Variants in FTO observed in about 807,000 individuals in gnomAD.
The protein encoded by FTO is FTO alpha-ketoglutarate dependent dioxygenase.
Under a neutral mutation model 63.9 loss-of-function variants are expected in FTO, and 47 were observed. That is an observed-to-expected ratio of 0.74 (90% confidence interval 0.58 to 0.94). The LOEUF (loss-of-function observed/expected upper bound fraction) is 0.94. Ranked by LOEUF, FTO falls within the 40% of genes least tolerant of loss-of-function variation. The probability of loss-of-function intolerance (pLI) is 0.00; values close to 1 mark genes in which losing one functional copy is unlikely to be tolerated. For synonymous variants in FTO, 207 were observed against 224.4 expected, an observed-to-expected ratio of 0.92 and a Z score of 0.69; for missense variants, 562 against 618.1, an observed-to-expected ratio of 0.91 and a Z score of 0.96.
intron 1 of FTO, among the ~76,000 whole-genome samples, chr16:53,800,293 A>G (rs527383919): frequency 2.4e-4 from 37 of 152,098 alleles, no homozygotes; most frequent in Admixed American, 2.2e-3. Flanking sequence ...TAGTTTTCAA[A>G]TATTTGGGGA....
intron 5 of FTO, among the ~76,000 whole-genome samples, chr16:53,875,295 C>G (rs570277397): frequency 6.6e-6 from 1 of 152,160 alleles, no homozygotes; most frequent in African/African-American, 2.4e-5. Context: ...CTTTCCTAAT[C>G]TAATCCAGAA....
chr16:53,994,619 T>A (rs2083892964), intron 8 of FTO, among the ~76,000 whole-genome samples: 1 of 152,062 alleles, frequency 6.6e-6, no homozygotes. Flanking sequence ...TGCCTCAGCC[T>A]CCCAAAGCGC....
intron 1 of FTO, among the ~76,000 whole-genome samples, chr16:53,792,879 G>A (rs1363911289): frequency 6.6e-6 from 1 of 152,160 alleles, no homozygotes; most frequent in African/African-American, 2.4e-5. Context: ...AGAATGGCAA[G>A]GAAGGAATTT....
chr16:53,881,001 A>T (rs2080812524), intron 6 of FTO, among the ~76,000 whole-genome samples: 2 of 149,774 alleles, frequency 1.3e-5, no homozygotes. Context: ...GGGTGCCTGT[A>T]GTACCAGTTA....
intron 8 of FTO, chr16:54,054,541 C>T (rs960504356): frequency 1.3e-5 from 2 of 152,142 alleles, no homozygotes; most frequent in East Asian, 1.9e-4. Context: ...GTTATTAGTG[C>T]CTCTGTCTTC....
intron 6 of FTO, among the ~76,000 whole-genome samples, chr16:53,888,144 G>T (rs1237364276): frequency 6.6e-6 from 1 of 151,924 alleles, no homozygotes; most frequent in Non-Finnish European, 1.5e-5. Context: ...AAATGTGTTT[G>T]AAAACCCCTC....
At chr16:54,053,725 T>C (rs1488841735) in intron 8 of FTO, among the ~76,000 whole-genome samples, 2 of 152,230 alleles carry the variant, frequency 1.3e-5, no homozygotes, top group Admixed American at 6.5e-5. Context: ...TCAAGCCCAG[T>C]GTTCACTGTG....
chr16:53,834,030 T>A (rs1363364132), intron 3 of FTO, among the ~76,000 whole-genome samples: 1 of 152,158 alleles, frequency 6.6e-6, no homozygotes, highest in Non-Finnish European at 1.5e-5. Flanking sequence ...AACTTTTTTT[T>A]TTTATTTTTT....
At chr16:54,026,752 G>A (rs897580448) in intron 8 of FTO, among the ~76,000 whole-genome samples, 2 of 152,140 alleles carry the variant, frequency 1.3e-5, no homozygotes, top group South Asian at 4.1e-4. Flanking sequence ...AAAAAAGTAA[G>A]TGGAGTGAAT....
intron 8 of FTO, among the ~76,000 whole-genome samples, chr16:54,005,443 C>G (rs1239973406): frequency 6.7e-6 from 1 of 149,972 alleles, no homozygotes; most frequent in African/African-American, 2.4e-5. Flanking sequence ...TGTGTGTACA[C>G]TTGTTATATT....
chr16:53,899,522 G>A (rs1178055648), intron 7 of FTO, among the ~76,000 whole-genome samples: 1 of 152,186 alleles, frequency 6.6e-6, no homozygotes, highest in Non-Finnish European at 1.5e-5. Context: ...ACTTCCTCTA[G>A]ACAAGCTGAA....
intron 1 of FTO, among the ~76,000 whole-genome samples, chr16:53,766,511 C>T (rs2077207148): frequency 6.6e-6 from 1 of 152,156 alleles, no homozygotes. Context: ...GTGTGAGCCT[C>T]TGCCCTGGCC....
chr16:54,077,529 A>G (rs566822777), intron 8 of FTO, among the ~76,000 whole-genome samples: 1 of 152,258 alleles, frequency 6.6e-6, no homozygotes, highest in East Asian at 1.9e-4. Context: ...TCCCCCACCA[A>G]GCTACTAACA....
chr16:53,978,850 A>G (rs536045783), intron 8 of FTO, among the ~76,000 whole-genome samples: 56 of 152,240 alleles, frequency 3.7e-4, no homozygotes, highest in African/African-American at 1.1e-3. Context: ...TACAAAAATT[A>G]GCTAGGCATG....
intron 7 of FTO, among the ~76,000 whole-genome samples, chr16:53,908,688 CA>C (rs1567424051): frequency 6.6e-6 from 1 of 152,192 alleles, no homozygotes; most frequent in Non-Finnish European, 1.5e-5. Flanking sequence ...TTGGAATTGT[CA>C]TTGAGATGCC....
chr16:54,014,639 G>T (rs2084395057), intron 8 of FTO, among the ~76,000 whole-genome samples: 1 of 151,974 alleles, frequency 6.6e-6, no homozygotes, highest in South Asian at 2.1e-4. Context: ...TGCACCATAA[G>T]GCAAACTGGG....
chr16:53,882,830 G>A (rs888088654), intron 6 of FTO, among the ~76,000 whole-genome samples: 1 of 152,190 alleles, frequency 6.6e-6, no homozygotes, highest in Admixed American at 6.5e-5. Context: ...TTAATATCTT[G>A]TGAGCTGCTC....
At chr16:54,078,730 A>G (rs533681479) in intron 8 of FTO, among the ~76,000 whole-genome samples, 44 of 152,308 alleles carry the variant, frequency 2.9e-4, no homozygotes, top group African/African-American at 1.1e-3. Context: ...CTTTCCTACC[A>G]TGTGAGCACT....
chr16:53,902,318 C>T (rs950551591), intron 7 of FTO, among the ~76,000 whole-genome samples: 12 of 152,112 alleles, frequency 7.9e-5, no homozygotes, highest in African/African-American at 2.9e-4. Flanking sequence ...ATCTTCTCTT[C>T]CTTTTTGGAA....
Sources: gnomAD v4.1 joint callset for allele counts (sites outside exome capture counted in the v4.1 genomes callset) on GRCh38, gnomAD v4.1.1 for gene constraint, MANE v1.5 for transcripts, NCBI Gene and HGNC (gene_info 2026-07-23, HGNC 2026-07-21) for gene names.